Variants in NTNG2 observed in about 807,000 individuals in gnomAD.
NTNG2 encodes netrin-G2.
A neutral mutation model predicts 47.6 loss-of-function variants in NTNG2; 15 were observed. That is an observed-to-expected ratio of 0.32 (90% CI 0.21 to 0.49). The LOEUF (loss-of-function observed/expected upper bound fraction) is 0.49. NTNG2 is among the 20% of genes least tolerant of loss of function. The probability of loss-of-function intolerance (pLI) is 0.99; values close to 1 mark genes in which losing one functional copy is unlikely to be tolerated. For synonymous variants in NTNG2, 307 were observed against 324.6 expected, an observed-to-expected ratio of 0.95 and a Z score of 0.58; for missense variants, 578 against 764.6, an observed-to-expected ratio of 0.76 and a Z score of 2.88.
At chr9:132,193,049 T>G (rs1838016294) in intron 2 of NTNG2, among the ~76,000 whole-genome samples, 1 of 152,036 alleles carries the variant, frequency 6.6e-6, no homozygotes, top group Non-Finnish European at 1.5e-5. Flanking sequence ...ACTGGGGGCT[T>G]TGAGGGATAC....
chr9:132,183,590 C>A (rs1265410032), intron 2 of NTNG2, among the ~76,000 whole-genome samples: 1 of 152,212 alleles, frequency 6.6e-6, no homozygotes, highest in Non-Finnish European at 1.5e-5. Flanking sequence ...TCATGGGGAC[C>A]AGGACACAGG....
chr9:132,232,456 G>A, intron 5 of NTNG2: 1 of 152,772 alleles, frequency 6.5e-6, no homozygotes, highest in Non-Finnish European at 1.5e-5. Context: ...AGACAGGCAT[G>A]GAAACCTGAT....
intron 2 of NTNG2, among the ~76,000 whole-genome samples, chr9:132,178,413 T>G (rs1427375238): frequency 1.3e-5 from 2 of 152,170 alleles, no homozygotes; most frequent in Non-Finnish European, 2.9e-5. Context: ...ACTTAATAAA[T>G]GCTGAAGATA....
intron 3 of NTNG2, among the ~76,000 whole-genome samples, chr9:132,216,040 G>C (rs972991650): frequency 3.9e-5 from 6 of 152,106 alleles, no homozygotes; most frequent in African/African-American, 1.4e-4. Context: ...ACAGGACACC[G>C]ACTGATTCCC....
At chr9:132,224,041 C>A (rs1022222087) in intron 3 of NTNG2, among the ~76,000 whole-genome samples, 3 of 151,772 alleles carry the variant, frequency 2.0e-5, no homozygotes, top group Admixed American at 2.0e-4. Context: ...TCCTTCAGGT[C>A]TTAGTTTAAA....
intron 2 of NTNG2, among the ~76,000 whole-genome samples, chr9:132,186,553 G>A (rs1428354595): frequency 6.6e-6 from 1 of 152,210 alleles, no homozygotes; most frequent in African/African-American, 2.4e-5. Context: ...CCCACACCAG[G>A]CCTGGCATTT....
In NTNG2 at chr9:132,244,511, G is replaced by A. The variant is rs1191260965; in HGVS notation, c.*2400G>A. On this transcript the variant is annotated 3_prime_UTR_variant, in exon 8 of 8. Coordinates refer to ENST00000393229, the MANE Select transcript of NTNG2 (RefSeq NM_032536.4). ...TTACTGTGTGAGAAAAAAAATAAAC[G>A]GTGATGTGATTAAAACACTAGAATT... The A allele has an allele frequency of 6.6e-6, 1 of 152,216 alleles. No individual in the cohort carries two copies. Among genetic ancestry groups the A allele is most frequent in the African/African-American group, 2.4e-5 (1 of 41,440 alleles). The allele number at this position is 152,216 out of a possible 1,614,324, so 9.4% of individuals were successfully genotyped here.
chr9:132,166,694 T>C lies in NTNG2; in HGVS notation c.-138T>C. On this transcript the variant is annotated 5_prime_UTR_variant, in exon 2 of 8. Transcript: ENST00000393229. ...TTCCTCGCTGTTTGCAAAGCTTCAGTGCTCGGGTCCCTGGGACACCCCGGC... is the reference window on the plus strand; with the variant it reads ...TTCCTCGCTGTTTGCAAAGCTTCAGCGCTCGGGTCCCTGGGACACCCCGGC... 4 of 737,852 alleles carry C rather than the reference T, an allele frequency of 5.4e-6. No homozygotes were observed. Among genetic ancestry groups the C allele is most frequent in the Non-Finnish European group, 9.3e-6 (4 of 432,276 alleles). 45.7% of individuals were successfully genotyped at this position (737,852 alleles called of 1,614,324 possible). A position where few individuals can be genotyped will look rare whatever the true frequency, so the allele number is the denominator to read the frequency against.
intron 3 of NTNG2, among the ~76,000 whole-genome samples, chr9:132,214,490 G>T (rs1839831025): frequency 6.6e-6 from 1 of 152,242 alleles, no homozygotes; most frequent in Admixed American, 6.5e-5. Flanking sequence ...TCCCCTGGAG[G>T]TGAGGCCCGG....
Position 132,226,722 on chromosome 9 carries a change from C to G in NTNG2, c.858-127C>G. ...GGCCTAAAGGTTGGGCTGGTGGCCT[C>G]CAGGGTTTCTTCCTGGGCAGCCCAA... On this transcript the variant is annotated intron_variant, in intron 3 of 7. Coordinates refer to ENST00000393229, the MANE Select transcript of NTNG2 (RefSeq NM_032536.4). This position sits in a 1 kb window ranked among gnomAD's most constrained non-coding sequence, Gnocchi z 4.8. 1.3e-6 allele frequency: 1 copy of G among 751,170 alleles called. No individual in the cohort carries two copies. The highest frequency in any genetic ancestry group is 2.0e-6 in the Non-Finnish European group (1 of 494,036). The allele number at this position is 751,170 out of a possible 1,614,324, so 46.5% of individuals were successfully genotyped here.
At position 132,163,075 on chromosome 9, in the gene NTNG2, G is replaced by A. The variant is rs1471148760; in HGVS notation, c.-484+836G>A. ...CCAGTTCCTGGGCGCCCTGCTCTGT[G>A]TCTTTTAATTAAGAGAGGCAGTGCC... is the stretch of plus-strand genomic sequence containing the variant. On this transcript the variant is annotated intron_variant, in intron 1 of 7. Coordinates refer to ENST00000393229, the MANE Select transcript of NTNG2 (RefSeq NM_032536.4). The surrounding 1 kb of genome is among the most constrained non-coding windows in gnomAD (Gnocchi z 7.2). Among the ~76,000 whole-genome samples, 1 of 152,200 alleles carries A rather than the reference G, an allele frequency of 6.6e-6. No individual in the cohort carries two copies. The highest frequency in any genetic ancestry group is 2.4e-5 in the African/African-American group (1 of 41,448).
chr9:132,181,914 C>T (rs1255646131), intron 2 of NTNG2, among the ~76,000 whole-genome samples: 1 of 152,210 alleles, frequency 6.6e-6, no homozygotes, highest in Non-Finnish European at 1.5e-5. Context: ...TGACACGAGT[C>T]GCTCTGGATC....
intron 2 of NTNG2, among the ~76,000 whole-genome samples, chr9:132,181,140 G>A (rs1337023682): frequency 1.3e-5 from 2 of 152,092 alleles, no homozygotes; most frequent in Non-Finnish European, 2.9e-5. Flanking sequence ...CTGGAGTGCA[G>A]TGAAGCAGTC....
chr9:132,212,298 C>G (rs1375389367), intron 3 of NTNG2, among the ~76,000 whole-genome samples: 2 of 152,184 alleles, frequency 1.3e-5, no homozygotes, highest in African/African-American at 4.8e-5. Flanking sequence ...CACCGTGTCA[C>G]CCCTAAGCCG....
At chr9:132,168,202 T>C (rs1471318078) in intron 2 of NTNG2, among the ~76,000 whole-genome samples, 1 of 152,162 alleles carries the variant, frequency 6.6e-6, no homozygotes, top group Non-Finnish European at 1.5e-5. Context: ...CTCCAATGTC[T>C]CTGAGCTAAG....
intron 3 of NTNG2, among the ~76,000 whole-genome samples, chr9:132,202,448 C>T (rs1006882250): frequency 6.6e-6 from 1 of 152,164 alleles, no homozygotes; most frequent in African/African-American, 2.4e-5. Flanking sequence ...CACAGGCACC[C>T]GCAAGTCCCA....
intron 2 of NTNG2, among the ~76,000 whole-genome samples, chr9:132,179,260 G>C (rs913352705): frequency 6.6e-6 from 1 of 152,244 alleles, no homozygotes; most frequent in South Asian, 2.1e-4. Flanking sequence ...TGCAGCCAGT[G>C]GGGGCCGGAG....
At position 132,223,783 on chromosome 9, in the gene NTNG2, G is replaced by A. The variant is rs148321316; in HGVS notation, c.858-3066G>A. On this transcript the variant is annotated intron_variant, in intron 3 of 7. Transcript: ENST00000393229. Reference sequence around the variant, plus strand: ...CTGATCTCTCCCTGCCCAGGCTTTTGTCTCCCAGACAAACCAGTCTCCATG... The same window carrying A: ...CTGATCTCTCCCTGCCCAGGCTTTTATCTCCCAGACAAACCAGTCTCCATG... 8.4e-3 allele frequency among the ~76,000 whole-genome samples: 1,280 copies of A among 152,266 alleles called. 16 individuals are homozygous for A. Among genetic ancestry groups the A allele is most frequent in the Admixed American group, 0.012 (178 of 15,302 alleles).
At chr9:132,170,698 C>T (rs1252156157) in intron 2 of NTNG2, among the ~76,000 whole-genome samples, 1 of 152,130 alleles carries the variant, frequency 6.6e-6, no homozygotes, top group African/African-American at 2.4e-5. Context: ...CAGGGGTGAG[C>T]TGACGAGCAG....
Sources: gnomAD v4.1 joint callset for allele counts (sites outside exome capture counted in the v4.1 genomes callset) on GRCh38, gnomAD v4.1.1 for gene constraint, Gnocchi (gnomAD v3.1) non-coding constraint, MANE v1.5 for transcripts, NCBI Gene and HGNC (gene_info 2026-07-23, HGNC 2026-07-21) for gene names.